The following SLITRK4 variants were observed in gnomAD, a reference collection of about 807,000 sequenced individuals.
The protein encoded by SLITRK4 is SLIT and NTRK like family member 4, also known as SLIT and NTRK-like protein 4.
A neutral mutation model predicts 34.7 loss-of-function variants in SLITRK4; 7 were observed. The observed-to-expected ratio is 0.20, with a 90% CI of 0.11 to 0.38. The LOEUF is 0.38. SLITRK4 is among the 10% of genes least tolerant of loss of function. The pLI, the probability that SLITRK4 is intolerant of heterozygous loss-of-function variation, is 1.00. For missense variants in SLITRK4, 474 were observed against 607.0 expected, an observed-to-expected ratio of 0.78 and a Z score of 2.30; for synonymous variants, 237 against 246.2, an observed-to-expected ratio of 0.96 and a Z score of 0.35.
At chrX:143,633,984 A>G (rs1350319128) in intron 1 of SLITRK4, among the ~76,000 whole-genome samples, 1 of 112,485 alleles carries the variant, frequency 8.9e-6, no homozygotes, top group Admixed American at 9.3e-5. Context: ...CGCCGCTCAC[A>G]CATTTCTCCG....
In SLITRK4 at chrX:143,629,517, T is replaced by C; in HGVS notation, c.1592A>G (p.Asn531Ser). The C allele has an allele frequency of 2.5e-6, 3 of 1,211,494 alleles. No homozygotes were observed. Among genetic ancestry groups the C allele is most frequent in the Non-Finnish European group, 3.4e-6 (3 of 895,499 alleles). ...QSLTQIDLEG[N>S]PWDCTCDLVA... is the part of the protein sequence containing the mutation. ...CAAGTCACAAGTACAGTCCCATGGGTTGCCCTCCAAGTCAATCTGTGTAAG... is the reference window on the plus strand; with the variant it reads ...CAAGTCACAAGTACAGTCCCATGGGCTGCCCTCCAAGTCAATCTGTGTAAG... The change falls in exon 2 of 2, where the codon AAC (asparagine) becomes AGC (serine). Residue 531 changes from asparagine (N) to serine (S), a missense_variant. By Grantham distance (46) the Asn-to-Ser change is conservative. This residue lies in a region of SLITRK4 where 345 missense variants were observed against 406.5 expected (regional missense o/e 0.85). Coordinates refer to ENST00000356928, the MANE Select transcript of SLITRK4 (RefSeq NM_001184749.3).
rs782726978 is a variant in SLITRK4 at position 143,629,851 on chromosome X, C to T, written c.1258G>A (p.Val420Ile). Residue 420 changes from valine to isoleucine, a missense_variant, in exon 2 of 2, where the codon GTA (valine) becomes ATA (isoleucine). Physicochemically the swap from Val to Ile is conservative, Grantham distance 29. Around this residue, in one of 3 missense-constraint regions of SLITRK4, gnomAD observed 345 missense variants for 406.5 expected, o/e 0.85. Coordinates refer to ENST00000356928, the MANE Select transcript of SLITRK4 (RefSeq NM_001184749.3). ...CGTAAATTAGTGAGATTGTGAAATA[C>T]GTCTCCCTTAATCACTGTAATTTGA... ...SNQITVIKGDVFHNLTNLRRL... is the reference protein window; with the variant it reads ...SNQITVIKGDIFHNLTNLRRL... The T allele has an allele frequency of 2.0e-5, 24 of 1,208,428 alleles. No homozygotes were observed. The East Asian group carries it at 3.0e-4, about 15-fold the overall frequency.
chrX:143,633,697 A>C (rs1346800246), intron 1 of SLITRK4, among the ~76,000 whole-genome samples: 1 of 111,630 alleles, frequency 9.0e-6, no homozygotes, highest in Non-Finnish European at 1.9e-5. Context: ...TGGCTCCCCG[A>C]GAGCTCCCTC....
At chrX:143,635,152 CA>C (rs1248374128) in intron 1 of SLITRK4, 4 of 73,934 alleles carry the variant, frequency 5.4e-5, no homozygotes, top group East Asian at 5.9e-4. Context: ...CGCTCTCCAC[CA>C]CCCCCCCCCA....
rs1930924888 is a variant in SLITRK4, at chrX:143,629,165, T to C, written c.1944A>G (p.Lys648=). The C allele has an allele frequency of 8.3e-7, 1 of 1,210,067 alleles. No homozygotes were observed. Among genetic ancestry groups the C allele is most frequent in the African/African-American group, 1.7e-5 (1 of 57,151 alleles). ...CCAGGCCTTCGTGCTTCACTGTGGG[T>C]TTCTTGTTGCGTCGCAGGACAAAAA... ...LLVFVLRRNK[K]PTVKHEGLGN... is the part of the protein sequence containing the mutation. Residue 648 remains lysine (K), a synonymous_variant, in exon 2 of 2, where the codon AAA becomes AAG. Transcript: ENST00000356928.
At chrX:143,635,464 T>TC (rs1457680972) in intron 1 of SLITRK4, among the ~76,000 whole-genome samples, 1 of 82,238 alleles carries the variant, frequency 1.2e-5, no homozygotes, top group Non-Finnish European at 2.3e-5. Context: ...TCTCTTCCAG[T>TC]CCCCTAATAA....
chrX:143,635,175 A>C (rs1190199229), intron 1 of SLITRK4: 1 of 40,876 alleles, frequency 2.4e-5, no homozygotes, highest in Non-Finnish European at 4.4e-5. Context: ...CCCGCACACA[A>C]GCAGTCCTTC....
In SLITRK4 at chrX:143,631,040, C is replaced by T. The variant is rs782521012; in HGVS notation, c.69G>A (p.Ser23=). The change falls in exon 2 of 2, where the codon TCG becomes TCA. Residue 23 remains serine, a synonymous_variant. Transcript: ENST00000356928. ...ISSTNADSDI[S]VEICNVCSCV... is the part of the protein sequence containing the mutation. ...AGGAACACACATTGCAAATTTCCACCGATATGTCAGAATCTGCATTTGTCG... is the reference window on the plus strand; with the variant it reads ...AGGAACACACATTGCAAATTTCCACTGATATGTCAGAATCTGCATTTGTCG... 79 of 1,200,571 alleles carry T rather than the reference C, an allele frequency of 6.6e-5. No homozygotes were observed. In the Admixed American group the frequency reaches 6.9e-4, roughly 10 times the overall value.
In SLITRK4 at chrX:143,629,377, T is replaced by C. The variant is rs781863874; in HGVS notation, c.1732A>G (p.Ile578Val). 15 of 1,209,653 alleles carry C rather than the reference T, an allele frequency of 1.2e-5. No homozygotes were observed. The highest frequency in any genetic ancestry group is 1.5e-5 in the Non-Finnish European group (13 of 895,205). Residue 578 changes from isoleucine to valine, a missense_variant, in exon 2 of 2, where the codon ATC becomes GTC. Transcript: ENST00000356928. ...TTATTTAAAAGTTTGGGACATAAGA[T>C]TTCATTTTTGAGGGACTTCAGTTCA... ...NIELKSLKNE[I>V]LCPKLLNKPS... is the part of the protein sequence containing the mutation.
chrX:143,627,888 A>T lies in SLITRK4; in HGVS notation c.*707T>A. 1 of 154,283 alleles carries T rather than the reference A, an allele frequency of 6.5e-6. No homozygotes were observed. Among genetic ancestry groups the T allele is most frequent in the Non-Finnish European group, 1.2e-5 (1 of 80,239 alleles). 12.7% of individuals were successfully genotyped at this position (154,283 alleles called of 1,213,427 possible). The stretch of plus-strand genomic sequence containing the variant: ...TTCAGATCATCACAAATGCTATCTA[A>T]CTCACGTTGATTTTTTCTTTTAGAT... On this transcript the variant is annotated 3_prime_UTR_variant, in exon 2 of 2. Coordinates refer to ENST00000356928, the MANE Select transcript of SLITRK4 (RefSeq NM_001184749.3).
chrX:143,622,982 C>A lies in SLITRK4; in HGVS notation c.*5613G>T, dbSNP rs1244999809. 2.7e-5 allele frequency: 3 copies of A among 110,068 alleles called. No homozygotes were observed. The Admixed American group carries it at 2.9e-4, about 11-fold the overall frequency. The allele number at this position is 110,068 out of a possible 1,213,427, so 9.1% of individuals were successfully genotyped here. On this transcript the variant is annotated 3_prime_UTR_variant, in exon 2 of 2. Coordinates refer to ENST00000356928, the MANE Select transcript of SLITRK4 (RefSeq NM_001184749.3). ...TGAGCAATATCCACTGCACAACATG[C>A]CTTCCTGCAGCTATTAACCAGCAGC...
intron 1 of SLITRK4, chrX:143,635,155 C>CA (rs1931193685): frequency 2.7e-5 from 2 of 74,286 alleles, no homozygotes. Flanking sequence ...TCTCCACCAC[C>CA]CCCCCCCACC....
In SLITRK4 at chrX:143,628,229, C is replaced by T. The variant is rs1378510390; in HGVS notation, c.*366G>A. On this transcript the variant is annotated 3_prime_UTR_variant, in exon 2 of 2. Coordinates refer to ENST00000356928, the MANE Select transcript of SLITRK4 (RefSeq NM_001184749.3). The stretch of plus-strand genomic sequence containing the variant: ...TCTACGTGCAAGATAAAGGACCCAG[C>T]TGGTACAGGTGTACCAGTTTTCTTG... 3.5e-6 allele frequency: 1 copy of T among 287,587 alleles called. No homozygotes were observed. Among genetic ancestry groups the T allele is most frequent in the African/African-American group, 2.9e-5 (1 of 34,227 alleles). 23.7% of individuals were successfully genotyped at this position (287,587 alleles called of 1,213,427 possible). A position where few individuals can be genotyped will look rare whatever the true frequency, so the allele number is the denominator to read the frequency against.
At chrX:143,633,225 G>C (rs1378363850) in intron 1 of SLITRK4, among the ~76,000 whole-genome samples, 1 of 109,803 alleles carries the variant, frequency 9.1e-6, no homozygotes, top group Non-Finnish European at 1.9e-5. Flanking sequence ...GAGAGAGAAA[G>C]AGTCCAGTTG....
In SLITRK4 at chrX:143,630,377, A is replaced by C. The variant is rs781973418; in HGVS notation, c.732T>G (p.Thr244=). ...AAAGCCTTCCATATAAGTCACTGGGAGTTTCACAGATAGCTTCTCCTATGT... is the reference window on the plus strand; with the variant it reads ...AAAGCCTTCCATATAAGTCACTGGGCGTTTCACAGATAGCTTCTCCTATGT... ...NIYIGEAICE[T]PSDLYGRLLK... The change falls in exon 2 of 2, where the codon ACT becomes ACG. Residue 244 remains threonine, a synonymous_variant. Coordinates refer to ENST00000356928, the MANE Select transcript of SLITRK4 (RefSeq NM_001184749.3). 6 of 1,211,399 alleles carry C rather than the reference A, an allele frequency of 5.0e-6. No individual in the cohort carries two copies. Among genetic ancestry groups the C allele is most frequent in the Middle Eastern group, 2.3e-4 (1 of 4,355 alleles).
chrX:143,633,623 T>C (rs1472213172), intron 1 of SLITRK4, among the ~76,000 whole-genome samples: 2 of 110,601 alleles, frequency 1.8e-5, no homozygotes, highest in Non-Finnish European at 3.8e-5. Context: ...ACTCCGCGAC[T>C]GGGAGGAGAG....
Position 143,624,912 on chromosome X carries a change from C to T in SLITRK4, c.*3683G>A, listed in dbSNP as rs1351488610. 2 of 110,997 alleles carry T rather than the reference C, an allele frequency of 1.8e-5. No homozygotes were observed. The highest frequency in any genetic ancestry group is 3.8e-5 in the Non-Finnish European group (2 of 52,673). The allele number at this position is 110,997 out of a possible 1,213,427, so 9.1% of individuals were successfully genotyped here. A position where few individuals can be genotyped will look rare whatever the true frequency, so the allele number is the denominator to read the frequency against. ...TAATCAAATCAGGGTAAAAACAATA[C>T]AATATTTTTTTTACTTTATTTTAAA... is the stretch of plus-strand genomic sequence containing the variant. On this transcript the variant is annotated 3_prime_UTR_variant, in exon 2 of 2. Transcript: ENST00000356928.
chrX:143,634,844 G>T (rs1270021252), intron 1 of SLITRK4: 1 of 110,172 alleles, frequency 9.1e-6, no homozygotes, highest in Non-Finnish European at 1.9e-5. Flanking sequence ...GCGTGTCGGT[G>T]CAGCTTGTGC....
chrX:143,633,613 A>C (rs185183600), intron 1 of SLITRK4, among the ~76,000 whole-genome samples: 1 of 110,345 alleles, frequency 9.1e-6, no homozygotes, highest in East Asian at 2.9e-4. Context: ...AGCGCCTGGC[A>C]CTCCGCGACT....
Sources: gnomAD v4.1 joint callset for allele counts (sites outside exome capture counted in the v4.1 genomes callset) on GRCh38, gnomAD v4.1.1 for gene constraint, gnomAD v4.1.1 regional missense constraint, MANE v1.5 for transcripts, NCBI Gene and HGNC (gene_info 2026-07-23, HGNC 2026-07-21) for gene names.